The following HEATR5B variants were observed in gnomAD, a reference collection of about 807,000 sequenced individuals.
HEATR5B encodes HEAT repeat containing 5B, also known as HEAT repeat-containing protein 5B.
HEATR5B carries 156 observed loss-of-function variants against 224.1 expected under a neutral mutation model. That is an observed-to-expected ratio of 0.70 (90% confidence interval 0.61 to 0.80). HEATR5B has a LOEUF of 0.80. HEATR5B is among the 30% of genes least tolerant of loss of function. HEATR5B has a pLI of 0.00. For missense variants in HEATR5B, 2,323 were observed against 2,535.5 expected, an observed-to-expected ratio of 0.92 and a Z score of 1.80; for synonymous variants, 1,027 against 893.0, an observed-to-expected ratio of 1.15 and a Z score of -2.68.
intron 5 of HEATR5B, among the ~76,000 whole-genome samples, chr2:37,073,762 A>G (rs931429141): frequency 5.3e-5 from 8 of 152,220 alleles, no homozygotes; most frequent in Non-Finnish European, 8.8e-5. Context: ...CAAAATCCCA[A>G]CATGGTATTT....
chr2:37,082,086 TCAGATGGAG>T (rs1672613522), intron 2 of HEATR5B, among the ~76,000 whole-genome samples: 228 of 56,034 alleles, frequency 4.1e-3, no homozygotes, highest in East Asian at 6.1e-3. Flanking sequence ...TTTTTTTTTT[TCAGATGGAG>T]TTTCACTCTT....
At chr2:37,060,848 TA>T in intron 11 of HEATR5B, 115 bp from the exon 12 acceptor site, 1 of 699,188 alleles carries the variant, frequency 1.4e-6, no homozygotes, top group South Asian at 2.5e-5. Context: ...GAAAATAGAG[TA>T]AAATACTGAT....
At position 37,058,643 on chromosome 2, in the gene HEATR5B, TGC is replaced by T. The variant is rs1341036210; in HGVS notation, c.1950-85_1950-84del. The T allele has an allele frequency of 3.2e-5, 29 of 901,086 alleles. No homozygotes were observed. The African/African-American group carries it at 3.7e-4, about 11-fold the overall frequency. 55.8% of individuals were successfully genotyped at this position (901,086 alleles called of 1,614,324 possible). A position where few individuals can be genotyped will look rare whatever the true frequency, so the allele number is the denominator to read the frequency against. On this transcript the variant is annotated intron_variant, in intron 13 of 35. Coordinates refer to ENST00000233099, the MANE Select transcript of HEATR5B (RefSeq NM_019024.3). ...TTTTTTTAGCAATGTATCAATGTAC[TGC>T]CAAACTACACTGATAAGTATACACT...
At chr2:37,023,104 G>A (rs1668565812) in intron 24 of HEATR5B, among the ~76,000 whole-genome samples, 1 of 147,418 alleles carries the variant, frequency 6.8e-6, no homozygotes, top group East Asian at 1.9e-4. Context: ...AAATAACTAA[G>A]GGAGAAATGA....
chr2:37,075,199 C>T (rs578048342), intron 5 of HEATR5B, among the ~76,000 whole-genome samples: 1 of 152,192 alleles, frequency 6.6e-6, no homozygotes, highest in Non-Finnish European at 1.5e-5. Context: ...ATCAATGTGA[C>T]ATATCCATAC....
chr2:37,003,650 G>C lies in HEATR5B; in HGVS notation c.4942C>G (p.Leu1648Val), dbSNP rs1489360767. Residue 1648 changes from leucine (L) to valine (V), a missense_variant, in exon 31 of 36, where the codon CTT (leucine) becomes GTT (valine). Leu to Val is a conservative substitution (Grantham distance 32). This residue lies in a region of HEATR5B where 844 missense variants were observed against 812.9 expected (regional missense o/e 1.04). Transcript: ENST00000233099. ...GVELLSVLHR[L>V]LLTWNPSSVQ... The stretch of plus-strand genomic sequence containing the variant: ...GATGATGGATTCCAGGTCAATAGAA[G>C]GCGGTGCAAAACACTCAGCAACTCA... 1 of 1,612,010 alleles carries C rather than the reference G, an allele frequency of 6.2e-7. No homozygotes were observed. The highest frequency in any genetic ancestry group is 1.1e-5 in the South Asian group (1 of 90,810).
In HEATR5B at chr2:37,062,351, A is replaced by C. The variant is rs180883430; in HGVS notation, c.1585-301T>G. On this transcript the variant is annotated intron_variant, in intron 10 of 35. Transcript: ENST00000233099. ...AGGCTGAGGCAGGAGAATTGCTTGA[A>C]CTGGGGAGGCGGAGGTTGCAGTGAG... Among the ~76,000 whole-genome samples, 309 of 152,262 alleles carry C rather than the reference A, an allele frequency of 2.0e-3. 2 individuals are homozygous for C. Among genetic ancestry groups the C allele is most frequent in the African/African-American group, 5.9e-3 (245 of 41,564 alleles).
chr2:37,054,480 ATTT>A (rs11433192), intron 16 of HEATR5B, among the ~76,000 whole-genome samples: 9 of 75,232 alleles, frequency 1.2e-4, no homozygotes, highest in South Asian at 4.9e-4. Flanking sequence ...TGTGCTCTGC[ATTT>A]TTTTTTTTTT....
intron 2 of HEATR5B, among the ~76,000 whole-genome samples, chr2:37,080,663 T>A (rs76431795): frequency 0.098 from 14,869 of 152,020 alleles, 1,022 homozygotes; most frequent in South Asian, 0.14. Context: ...AACTCTGAGA[T>A]GCCACTTAGA....
intron 18 of HEATR5B, among the ~76,000 whole-genome samples, chr2:37,046,017 G>A (rs1670169113): frequency 6.6e-6 from 1 of 152,098 alleles, no homozygotes; most frequent in South Asian, 2.1e-4. Context: ...ATGTTTATCT[G>A]AAAGAATAAG....
chr2:37,000,867 G>A (rs1259391072), intron 32 of HEATR5B, 54 bp from the exon 33 acceptor site: 5 of 1,203,668 alleles, frequency 4.2e-6, no homozygotes, highest in Non-Finnish European at 6.0e-6. Flanking sequence ...CCATATTATA[G>A]TTGTTTTCAT....
chr2:37,005,504 G>A (rs1366598620), intron 30 of HEATR5B, 128 bp downstream of exon 30: 2 of 812,600 alleles, frequency 2.5e-6, no homozygotes, highest in African/African-American at 1.7e-5. Context: ...AATAAATACA[G>A]GGAGTCAGTG....
At chr2:37,074,175 T>C (rs1489577613) in intron 5 of HEATR5B, among the ~76,000 whole-genome samples, 2 of 151,870 alleles carry the variant, frequency 1.3e-5, no homozygotes, top group Non-Finnish European at 2.9e-5. Context: ...CAAAAAAAAT[T>C]AGCTGGGCAT....
chr2:37,077,674 A>G (rs1672317288), intron 3 of HEATR5B, among the ~76,000 whole-genome samples: 1 of 152,220 alleles, frequency 6.6e-6, no homozygotes, highest in African/African-American at 2.4e-5. Context: ...CTCTTCTTTC[A>G]TTATATGTAA....
At position 37,062,054 on chromosome 2, in the gene HEATR5B, C is replaced by A. The variant is rs1286041847; in HGVS notation, c.1585-4G>T. ...CTTCAGCAATACTAACTACCATCTG[C>A]AAGAAAAGTTTAGAATTGGATTTTA... On this transcript the variant is annotated splice_region_variant and splice_polypyrimidine_tract_variant and intron_variant, in intron 10 of 35. Transcript: ENST00000233099. The A allele has an allele frequency of 1.9e-6, 3 of 1,545,956 alleles. No individual in the cohort carries two copies. Among genetic ancestry groups the A allele is most frequent in the South Asian group, 1.1e-5 (1 of 89,436 alleles).
intron 33 of HEATR5B, among the ~76,000 whole-genome samples, chr2:36,999,397 G>A (rs371851045): frequency 5.3e-5 from 8 of 151,902 alleles, no homozygotes; most frequent in African/African-American, 1.9e-4. Context: ...CTGGAGAGAG[G>A]CCGGGCACAG....
chr2:36,994,652 G>T (rs1666563783), intron 33 of HEATR5B, among the ~76,000 whole-genome samples: 1 of 152,110 alleles, frequency 6.6e-6, no homozygotes, highest in African/African-American at 2.4e-5. Flanking sequence ...GAATGAACTA[G>T]CTTGATAACA....
Position 36,993,406 on chromosome 2 carries a change from G to A in HEATR5B, c.5546-2607C>T, listed in dbSNP as rs148876822. The stretch of plus-strand genomic sequence containing the variant: ...ACAAAAACTAGCCAGGAACGGTGGC[G>A]GACACCTGTAGTCCCAGCTACTTGG... On this transcript the variant is annotated intron_variant, in intron 33 of 35. Transcript: ENST00000233099. 4.5e-3 allele frequency among the ~76,000 whole-genome samples: 679 copies of A among 151,964 alleles called. 6 individuals carry two copies. The highest frequency in any genetic ancestry group is 0.041 in the Middle Eastern group (12 of 294).
intron 24 of HEATR5B, among the ~76,000 whole-genome samples, chr2:37,026,388 C>T (rs1194620876): frequency 6.6e-6 from 1 of 152,160 alleles, no homozygotes; most frequent in East Asian, 1.9e-4. Flanking sequence ...AGTTTGTGGG[C>T]ATTTGTTATA....
Sources: allele counts gnomAD v4.1 joint callset (sites outside exome capture counted in the v4.1 genomes callset), GRCh38; gene constraint gnomAD v4.1.1; regional missense constraint gnomAD v4.1.1; transcripts MANE v1.5; gene names NCBI Gene and HGNC (gene_info 2026-07-23, HGNC 2026-07-21).